The following CSMD3 variants were observed in gnomAD, a reference collection of about 807,000 sequenced individuals.
The protein encoded by CSMD3 is CUB and sushi domain-containing protein 3.
Under a neutral mutation model 435.2 loss-of-function variants are expected in CSMD3, and 177 were observed. The observed-to-expected ratio is 0.41, with a 90% CI of 0.36 to 0.46. The LOEUF is 0.46. Ranked by LOEUF, CSMD3 falls within the 20% of genes least tolerant of loss-of-function variation. The probability of loss-of-function intolerance (pLI) is 0.34; values close to 1 mark genes in which losing one functional copy is unlikely to be tolerated. For synonymous variants in CSMD3, 1,656 were observed against 1,520.5 expected (o/e 1.09, Z -2.07); for missense variants, 4,265 against 4,504.6 (o/e 0.95, Z 1.52).
chr8:112,915,817 T>A (rs962258508), intron 10 of CSMD3, among the ~76,000 whole-genome samples: 2 of 151,828 alleles, frequency 1.3e-5, no homozygotes, highest in South Asian at 4.1e-4. Flanking sequence ...TAGCAAGAGT[T>A]TATTAAAATT....
intron 5 of CSMD3, among the ~76,000 whole-genome samples, chr8:113,096,128 AC>A (rs1173194685): frequency 6.6e-6 from 1 of 152,080 alleles, no homozygotes; most frequent in East Asian, 1.9e-4. Context: ...TTCAGCCCAC[AC>A]CTTTGACTTG....
At chr8:112,683,293 A>T (rs1369399966) in intron 15 of CSMD3, among the ~76,000 whole-genome samples, 4 of 152,042 alleles carry the variant, frequency 2.6e-5, no homozygotes, top group Non-Finnish European at 5.9e-5. Context: ...CAAAAGAGTA[A>T]TGTTAGACTC....
At chr8:113,037,564 T>C (rs1352768514) in intron 5 of CSMD3, among the ~76,000 whole-genome samples, 1 of 152,142 alleles carries the variant, frequency 6.6e-6, no homozygotes, top group African/African-American at 2.4e-5. Context: ...AATCCCAGTA[T>C]GTTGTACTAC....
Position 112,352,456 on chromosome 8 carries a change from T to C in CSMD3, c.6215A>G (p.Asp2072Gly). 6.2e-7 allele frequency: 1 copy of C among 1,613,654 alleles called. No individual in the cohort carries two copies. The highest frequency in any genetic ancestry group is 8.5e-7 in the Non-Finnish European group (1 of 1,179,764). The change falls in exon 39 of 71, where the codon GAT (aspartate) becomes GGT (glycine). Residue 2072 changes from aspartate to glycine, a missense_variant. Asp to Gly is a moderately conservative substitution (Grantham distance 94). Around this residue, in one of 3 missense-constraint regions of CSMD3, gnomAD observed 3,255 missense variants for 3,380.2 expected, o/e 0.96. Transcript: ENST00000297405. ...TTGATCACACTGAAAGGATACTACA[T>C]CTCCAACCATATATCTGTCTCCAAT... ...IKIGDRYMVGDVVSFQCDQGY... is the reference protein window; with the variant it reads ...IKIGDRYMVGGVVSFQCDQGY...
At chr8:113,353,135 T>C (rs1380379172) in intron 1 of CSMD3, among the ~76,000 whole-genome samples, 1 of 152,076 alleles carries the variant, frequency 6.6e-6, no homozygotes, top group Non-Finnish European at 1.5e-5. Context: ...TCACTTGACA[T>C]TCTGATGGAT....
At chr8:112,268,326 T>C (rs1372620699) in intron 59 of CSMD3, among the ~76,000 whole-genome samples, 1 of 152,226 alleles carries the variant, frequency 6.6e-6, no homozygotes, top group Non-Finnish European at 1.5e-5. Context: ...CTTCTCAATA[T>C]GTAATTGATG....
At chr8:112,252,835 A>C (rs534615863) in intron 63 of CSMD3, among the ~76,000 whole-genome samples, 10 of 151,558 alleles carry the variant, frequency 6.6e-5, no homozygotes, top group African/African-American at 2.4e-4. Flanking sequence ...TTTGGAATCT[A>C]GTCTATTTAT....
intron 10 of CSMD3, among the ~76,000 whole-genome samples, chr8:112,870,395 A>AGTAGCT (rs1176815074): frequency 6.6e-6 from 1 of 151,162 alleles, no homozygotes; most frequent in Non-Finnish European, 1.5e-5. Context: ...CAGCCTCCCG[A>AGTAGCT]GTAGCTGGGA....
chr8:112,234,487 GC>G lies in CSMD3; in HGVS notation c.10628-11del, dbSNP rs1563667143. ...TGGCTTTTATATACCCCTGTAAAATGCAAGGACATTTTAGTCTACTTAACTT... is the reference window on the plus strand; with the variant it reads ...TGGCTTTTATATACCCCTGTAAAATGAAGGACATTTTAGTCTACTTAACTT... On this transcript the variant is annotated splice_polypyrimidine_tract_variant and intron_variant, in intron 67 of 70. Transcript: ENST00000297405. The G allele has an allele frequency of 6.8e-7, 1 of 1,479,028 alleles. No individual in the cohort carries two copies. Among genetic ancestry groups the G allele is most frequent in the Non-Finnish European group, 9.5e-7 (1 of 1,057,546 alleles). The allele number at this position is 1,479,028 out of a possible 1,614,324, so 91.6% of individuals were successfully genotyped here.
chr8:113,171,120 G>C (rs1216798698), intron 4 of CSMD3, among the ~76,000 whole-genome samples: 1 of 152,042 alleles, frequency 6.6e-6, no homozygotes, highest in Non-Finnish European at 1.5e-5. Flanking sequence ...TTTCTTTAGG[G>C]AGGAAATAGT....
chr8:113,430,011 G>A (rs1163601033), intron 1 of CSMD3, among the ~76,000 whole-genome samples: 5 of 152,162 alleles, frequency 3.3e-5, no homozygotes, highest in South Asian at 2.1e-4. Flanking sequence ...GATGAAATCA[G>A]CACAGGAGGA....
chr8:113,031,476 T>C (rs1230211963), intron 5 of CSMD3, among the ~76,000 whole-genome samples: 4 of 151,508 alleles, frequency 2.6e-5, no homozygotes, highest in Non-Finnish European at 4.4e-5. Flanking sequence ...ATTAAAGATA[T>C]ATAGAACTGA....
At chr8:113,066,332 T>C (rs564362429) in intron 5 of CSMD3, among the ~76,000 whole-genome samples, 6 of 151,996 alleles carry the variant, frequency 3.9e-5, no homozygotes, top group Non-Finnish European at 8.8e-5. Flanking sequence ...GCTTCATCTG[T>C]AGTTTGTTAT....
intron 12 of CSMD3, among the ~76,000 whole-genome samples, chr8:112,816,413 T>C (rs749665278): frequency 2.6e-5 from 4 of 152,156 alleles, no homozygotes; most frequent in Non-Finnish European, 5.9e-5. Context: ...TAAGAATTTG[T>C]CTGACTGGTC....
intron 3 of CSMD3, among the ~76,000 whole-genome samples, chr8:113,201,800 G>A (rs1399512071): frequency 1.3e-5 from 2 of 151,876 alleles, no homozygotes; most frequent in African/African-American, 4.8e-5. Context: ...TGCATGATTC[G>A]TTCAATTTAT....
At chr8:113,377,121 G>C in intron 1 of CSMD3, 1 of 1,261,340 alleles carries the variant, frequency 7.9e-7, no homozygotes, top group Non-Finnish European at 1.0e-6. Flanking sequence ...GCGTCGTCCG[G>C]CTCTCCGGTC....
chr8:113,005,695 T>C (rs1407936935), intron 6 of CSMD3, among the ~76,000 whole-genome samples: 2 of 152,196 alleles, frequency 1.3e-5, no homozygotes, highest in East Asian at 3.9e-4. Flanking sequence ...AATTTTTATA[T>C]AATGTAAATA....
At chr8:112,623,015 C>A (rs1834195578) in intron 22 of CSMD3, among the ~76,000 whole-genome samples, 1 of 152,044 alleles carries the variant, frequency 6.6e-6, no homozygotes, top group South Asian at 2.1e-4. Context: ...TGGACTATTA[C>A]AGGGCTGCTG....
At chr8:112,856,498 C>A (rs1269355031) in intron 11 of CSMD3, among the ~76,000 whole-genome samples, 1 of 151,590 alleles carries the variant, frequency 6.6e-6, no homozygotes, top group Admixed American at 6.6e-5. Context: ...CAGCATTTGG[C>A]AATAAAAATA....
Sources: gnomAD v4.1 joint callset for allele counts (sites outside exome capture counted in the v4.1 genomes callset) on GRCh38, gnomAD v4.1.1 for gene constraint, gnomAD v4.1.1 regional missense constraint, MANE v1.5 for transcripts, NCBI Gene and HGNC (gene_info 2026-07-23, HGNC 2026-07-21) for gene names.